PLEKHA6: variants seen among roughly 807,000 people sequenced by gnomAD.
PLEKHA6 encodes pleckstrin homology domain-containing family A member 6.
A neutral mutation model predicts 116.7 loss-of-function variants in PLEKHA6; 60 were observed. That is an observed-to-expected ratio of 0.51 (90% confidence interval 0.42 to 0.64). The LOEUF (loss-of-function observed/expected upper bound fraction) is 0.64, where lower values mean the gene tolerates loss of function less well. Among genes scored for constraint, PLEKHA6 ranks in the 30% least tolerant of loss-of-function variants. The probability of loss-of-function intolerance (pLI) is 0.00; values close to 1 mark genes in which losing one functional copy is unlikely to be tolerated. For missense variants in PLEKHA6, 1,338 were observed against 1,422.7 expected (o/e 0.94, Z 0.96); for synonymous variants, 489 against 556.1 (o/e 0.88, Z 1.70).
chr1:204,305,593 G>A (rs1053776394), intron 1 of PLEKHA6, among the ~76,000 whole-genome samples: 2 of 152,192 alleles, frequency 1.3e-5, no homozygotes, highest in Non-Finnish European at 2.9e-5. Flanking sequence ...GAATGGGAGT[G>A]TGGGTATGAA....
intron 8 of PLEKHA6, among the ~76,000 whole-genome samples, chr1:204,258,946 G>A (rs1484145848): frequency 6.6e-6 from 1 of 152,176 alleles, no homozygotes; most frequent in East Asian, 1.9e-4. Flanking sequence ...ACAACTTCAG[G>A]CCCCCTCCCA....
intron 17 of PLEKHA6, among the ~76,000 whole-genome samples, chr1:204,237,970 T>A (rs1662295319): frequency 6.6e-6 from 1 of 152,208 alleles, no homozygotes; most frequent in Admixed American, 6.5e-5. Context: ...TCAGTAAAAT[T>A]TCCAGGGGTA....
At chr1:204,246,055 G>A (rs1663622857) in intron 13 of PLEKHA6, among the ~76,000 whole-genome samples, 1 of 152,176 alleles carries the variant, frequency 6.6e-6, no homozygotes, top group Non-Finnish European at 1.5e-5. Context: ...ACACTTTATG[G>A]TATCCTGTTT....
Position 204,347,405 on chromosome 1 carries a change from C to T in PLEKHA6, c.-95+12289G>A, listed in dbSNP as rs78630869. ...TTGTTCCCTAAACACTGCTGTTATCCTGTTCTTTTTTCAAGGTGCCCAGAT... is the reference window on the plus strand; with the variant it reads ...TTGTTCCCTAAACACTGCTGTTATCTTGTTCTTTTTTCAAGGTGCCCAGAT... On this transcript the variant is annotated intron_variant, in intron 1 of 22. Coordinates refer to ENST00000272203, the MANE Select transcript of PLEKHA6 (RefSeq NM_014935.5). The T allele has an allele frequency of 7.3e-6, 4 of 544,358 alleles. No individual in the cohort carries two copies. In the Admixed American group the frequency reaches 1.2e-4, roughly 17 times the overall value. The allele number at this position is 544,358 out of a possible 1,614,324, so 33.7% of individuals were successfully genotyped here.
chr1:204,247,953 T>TA (rs10667581), intron 12 of PLEKHA6, among the ~76,000 whole-genome samples: 4,002 of 148,308 alleles, frequency 0.027, 138 homozygotes, highest in African/African-American at 0.08. Flanking sequence ...ACCCTGTTCT[T>TA]AAAAAAAAAA....
intron 1 of PLEKHA6, among the ~76,000 whole-genome samples, chr1:204,346,378 C>T (rs1371706842): frequency 6.7e-6 from 1 of 150,236 alleles, no homozygotes; most frequent in Admixed American, 6.7e-5. Flanking sequence ...CAGCATCTAC[C>T]ACCTGCCTCT....
At chr1:204,346,889 T>G in intron 1 of PLEKHA6, 1 of 1,321,448 alleles carries the variant, frequency 7.6e-7, no homozygotes, top group Non-Finnish European at 1.1e-6. Context: ...TGAATCCAGG[T>G]AACTTTCTCT....
At chr1:204,311,126 A>C (rs1053948319) in intron 1 of PLEKHA6, among the ~76,000 whole-genome samples, 3 of 152,200 alleles carry the variant, frequency 2.0e-5, no homozygotes, top group African/African-American at 7.2e-5. Context: ...ATGGTTATCC[A>C]CAGGCCGCTT....
In PLEKHA6 at chr1:204,261,523, C is replaced by T; in HGVS notation, c.382-75G>A. On this transcript the variant is annotated intron_variant, in intron 6 of 22. Transcript: ENST00000272203. The surrounding 1 kb of genome is among the most constrained non-coding windows in gnomAD (Gnocchi z 4.0). ...CACACAGTCACCTGTTGGGAGAAGA[C>T]ACCAACGCCCACAGAATGGGCAGTC... 1.4e-6 allele frequency: 2 copies of T among 1,466,346 alleles called. No homozygotes were observed. The highest frequency in any genetic ancestry group is 1.8e-6 in the Non-Finnish European group (2 of 1,087,858). The allele number at this position is 1,466,346 out of a possible 1,614,324, so 90.8% of individuals were successfully genotyped here.
At chr1:204,272,879 C>A (rs1667613808) in intron 3 of PLEKHA6, among the ~76,000 whole-genome samples, 1 of 152,136 alleles carries the variant, frequency 6.6e-6, no homozygotes, top group African/African-American at 2.4e-5. Context: ...GCAAGTGCTC[C>A]ATTATGTGAT....
intron 18 of PLEKHA6, among the ~76,000 whole-genome samples, chr1:204,229,877 T>C (rs183693500): frequency 2.0e-5 from 3 of 152,374 alleles, no homozygotes; most frequent in East Asian, 3.9e-4. Flanking sequence ...CTGTACTTAA[T>C]AGCTGTGTAG....
At chr1:204,374,131 C>T (rs1387016792) in intron 1 of PLEKHA6, among the ~76,000 whole-genome samples, 1 of 152,188 alleles carries the variant, frequency 6.6e-6, no homozygotes, top group Non-Finnish European at 1.5e-5. Context: ...TCAACTTCCT[C>T]TTCCCCTTGG....
intron 1 of PLEKHA6, among the ~76,000 whole-genome samples, chr1:204,295,950 AAC>A (rs1321759492): frequency 2.0e-5 from 3 of 152,138 alleles, no homozygotes; most frequent in Non-Finnish European, 4.4e-5. Flanking sequence ...AAACCGCACA[AAC>A]ACACGTGGGA....
At chr1:204,268,441 C>T in intron 3 of PLEKHA6, 129 bp from the exon 4 acceptor site, 1 of 461,110 alleles carries the variant, frequency 2.2e-6, no homozygotes, top group East Asian at 3.4e-5. Context: ...CACCAAGGGG[C>T]CCAGGTGTGA....
At chr1:204,359,259 G>A (rs191597976) in intron 1 of PLEKHA6, among the ~76,000 whole-genome samples, 33 of 152,012 alleles carry the variant, frequency 2.2e-4, no homozygotes, top group African/African-American at 8.0e-4. Flanking sequence ...CGCTGAGGAA[G>A]GTGAGTCCCT....
rs1460048726 is a variant in PLEKHA6, at chr1:204,257,649, TCCACTCTCGCAGCTGGTAGGCAGGG to T, written c.1203_1227del (p.Pro402ArgfsTer90). 6.2e-7 allele frequency: 1 copy of T among 1,610,140 alleles called. No homozygotes were observed. The highest frequency in any genetic ancestry group is 1.3e-5 in the African/African-American group (1 of 74,844). ...TGCCGCCCGTAGCTGGCGGGCTCCT[TCCACTCTCGCAGCTGGTAGGCAGGG>T]CCACCCCCATTGCGGAAGGCATGGC... On this transcript the variant is annotated frameshift_variant, in exon 9 of 23. Transcript: ENST00000272203. LOFTEE classifies it high-confidence loss of function. This position sits in a 1 kb window ranked among gnomAD's most constrained non-coding sequence, Gnocchi z 6.5.
intron 1 of PLEKHA6, among the ~76,000 whole-genome samples, chr1:204,322,280 C>T (rs1407889715): frequency 1.3e-5 from 2 of 152,130 alleles, no homozygotes; most frequent in East Asian, 1.9e-4. Flanking sequence ...TAACAATGAG[C>T]GCCTATTTGT....
chr1:204,252,325 A>ATGGAAGAAGGGATGGGATGAGG (rs1184627994), intron 9 of PLEKHA6, among the ~76,000 whole-genome samples: 4 of 151,568 alleles, frequency 2.6e-5, no homozygotes, highest in Non-Finnish European at 4.4e-5. Flanking sequence ...AAAGAGAGAA[A>ATGGAAGAAGGGATGGGATGAGG]TGGAAGAAGG....
intron 3 of PLEKHA6, among the ~76,000 whole-genome samples, chr1:204,365,286 T>C (rs1673628153): frequency 6.6e-6 from 1 of 152,206 alleles, no homozygotes. Context: ...TGACCAAATT[T>C]GAATTCTAGA....
Sources: allele counts gnomAD v4.1 joint callset (sites outside exome capture counted in the v4.1 genomes callset), GRCh38; gene constraint gnomAD v4.1.1; non-coding constraint Gnocchi (gnomAD v3.1); transcripts MANE v1.5; gene names NCBI Gene and HGNC (gene_info 2026-07-23, HGNC 2026-07-21).